The following PPM1B variants were observed in gnomAD, a reference collection of about 807,000 sequenced individuals.
PPM1B encodes protein phosphatase, Mg2+/Mn2+ dependent 1B, also known as protein phosphatase 1B.
A neutral mutation model predicts 43.0 loss-of-function variants in PPM1B; 22 were observed. That is an observed-to-expected ratio of 0.51 (90% confidence interval 0.37 to 0.73). The LOEUF (loss-of-function observed/expected upper bound fraction) is 0.73. Ranked by LOEUF, PPM1B falls within the 30% of genes least tolerant of loss-of-function variation. PPM1B has a pLI of 0.00. For synonymous variants in PPM1B, 217 were observed against 197.9 expected (o/e 1.10, Z -0.81); for missense variants, 632 against 584.2 (o/e 1.08, Z -0.84).
chr2:44,230,369 C>T (rs1293651069), intron 5 of PPM1B, 44 bp from the exon 6 acceptor site: 1 of 1,594,842 alleles, frequency 6.3e-7, no homozygotes, highest in Non-Finnish European at 8.5e-7. Flanking sequence ...CATGTGATAT[C>T]CTAGTTTGTC....
chr2:44,207,968 A>G (rs903764377), intron 2 of PPM1B, among the ~76,000 whole-genome samples: 1 of 147,806 alleles, frequency 6.8e-6, no homozygotes, highest in Non-Finnish European at 1.5e-5. Context: ...AGCTCACTGC[A>G]ACCTCCACCT....
chr2:44,218,583 A>G (rs951272083), intron 5 of PPM1B, 46 bp downstream of exon 5: 2 of 1,293,644 alleles, frequency 1.5e-6, no homozygotes, highest in Non-Finnish European at 2.2e-6. Flanking sequence ...ATTTCACAAT[A>G]TAAATACTAA....
At chr2:44,188,061 A>G (rs2104053138) in intron 1 of PPM1B, among the ~76,000 whole-genome samples, 1 of 152,198 alleles carries the variant, frequency 6.6e-6, no homozygotes, top group South Asian at 2.1e-4. Context: ...TCACCTTTAA[A>G]TTTTTTAATT....
chr2:44,218,785 GTCTT>G (rs1669842944), intron 5 of PPM1B: 1 of 453,114 alleles, frequency 2.2e-6, no homozygotes, highest in South Asian at 2.0e-5. Flanking sequence ...TGTTTGGGCT[GTCTT>G]TATTTCTTCT....
chr2:44,198,791 G>A (rs1668783097), intron 1 of PPM1B, among the ~76,000 whole-genome samples: 1 of 152,120 alleles, frequency 6.6e-6, no homozygotes, highest in Admixed American at 6.6e-5. Context: ...TCTTAAGACT[G>A]TTGAAGATTC....
At chr2:44,217,412 A>C (rs1163923858) in intron 3 of PPM1B, among the ~76,000 whole-genome samples, 1 of 152,126 alleles carries the variant, frequency 6.6e-6, no homozygotes, top group Non-Finnish European at 1.5e-5. Context: ...AAAAAAAAAA[A>C]AAGCTGTAGA....
chr2:44,173,240 A>C (rs1667434048), intron 1 of PPM1B, among the ~76,000 whole-genome samples: 1 of 152,218 alleles, frequency 6.6e-6, no homozygotes, highest in African/African-American at 2.4e-5. Context: ...CCCTTTACTA[A>C]ATTCTTGATG....
intron 1 of PPM1B, among the ~76,000 whole-genome samples, chr2:44,183,990 G>A (rs756256916): frequency 3.0e-4 from 46 of 152,188 alleles, no homozygotes; most frequent in South Asian, 6.2e-4. Context: ...CGCCCGCCTC[G>A]GCCTCCCAAA....
In PPM1B at chr2:44,228,988, G is replaced by A. The variant is rs1473198763; in HGVS notation, c.1135-1425G>A. ...ACCTGAGGTTGGGAGTTCGAGACCA[G>A]CCTGACCAACATGGAGAAACCCTGT... is the stretch of plus-strand genomic sequence containing the variant. On this transcript the variant is annotated intron_variant, in intron 5 of 5. Coordinates refer to ENST00000282412, the MANE Select transcript of PPM1B (RefSeq NM_002706.6). 2.6e-5 allele frequency among the ~76,000 whole-genome samples: 4 copies of A among 152,018 alleles called. No homozygotes were observed. In the East Asian group the frequency reaches 7.7e-4, roughly 29 times the overall value.
chr2:44,206,762 G>T (rs1669211035), intron 2 of PPM1B, among the ~76,000 whole-genome samples: 1 of 152,054 alleles, frequency 6.6e-6, no homozygotes, highest in Admixed American at 6.6e-5. Flanking sequence ...GTGTCTCACT[G>T]TGTTGCCCGG....
At position 44,216,388 on chromosome 2, in the gene PPM1B, C is replaced by T. The variant is rs144682975; in HGVS notation, c.965-1579C>T. On this transcript the variant is annotated intron_variant, in intron 3 of 5. Coordinates refer to ENST00000282412, the MANE Select transcript of PPM1B (RefSeq NM_002706.6). Reference sequence around the variant, plus strand: ...AAAAAAATTGTCTGGTGTAAAATGTCGGTGTTGTTGATGTTGAGAAGCCTT... The same window carrying T: ...AAAAAAATTGTCTGGTGTAAAATGTTGGTGTTGTTGATGTTGAGAAGCCTT... Among the ~76,000 whole-genome samples the T allele has an allele frequency of 2.4e-3, 358 of 152,094 alleles. 4 individuals carry two copies. Among genetic ancestry groups the T allele is most frequent in the African/African-American group, 8.2e-3 (339 of 41,498 alleles).
chr2:44,211,965 TC>T (rs1360436409), intron 3 of PPM1B, among the ~76,000 whole-genome samples: 4 of 152,158 alleles, frequency 2.6e-5, no homozygotes, highest in African/African-American at 9.7e-5. Flanking sequence ...GTCAGGCTGA[TC>T]TCGAACTTTC....
At position 44,218,044 on chromosome 2, in the gene PPM1B, C is replaced by G; in HGVS notation, c.1042C>G (p.Pro348Ala). ...VMRILSAENIPNLPPGGGLAG... is the reference protein window; with the variant it reads ...VMRILSAENIANLPPGGGLAG... ...GCGCATCTTGTCTGCAGAAAATATC[C>G]CAAATTTGCCTCCTGGGGGAGGTCT... Residue 348 changes from proline (P) to alanine (A), a missense_variant, in exon 4 of 6, where the codon CCA (proline) becomes GCA (alanine). Transcript: ENST00000282412. The G allele has an allele frequency of 6.2e-7, 1 of 1,612,452 alleles. No individual in the cohort carries two copies. Among genetic ancestry groups the G allele is most frequent in the Middle Eastern group, 1.7e-4 (1 of 6,050 alleles).
chr2:44,178,224 C>T (rs1353116861), intron 1 of PPM1B, among the ~76,000 whole-genome samples: 1 of 151,756 alleles, frequency 6.6e-6, no homozygotes, highest in Non-Finnish European at 1.5e-5. Context: ...GCAGCTAGAA[C>T]ACATTTTGTC....
downstream of PPM1B, chr2:44,234,730 C>A (rs1363286387): frequency 6.9e-6 from 3 of 432,738 alleles, no homozygotes; most frequent in African/African-American, 2.1e-5. Context: ...TGAACTTTTG[C>A]TTTTGTGGAT....
chr2:44,243,355 GTTAAA>G (rs1443002317), intron 5 of PPM1B, among the ~76,000 whole-genome samples: 1 of 152,060 alleles, frequency 6.6e-6, no homozygotes, highest in African/African-American at 2.4e-5. Flanking sequence ...GAGCTTTTGT[GTTAAA>G]TTTGATATGT....
At chr2:44,212,252 T>C (rs1301093263) in intron 3 of PPM1B, among the ~76,000 whole-genome samples, 7 of 152,208 alleles carry the variant, frequency 4.6e-5, no homozygotes, top group Admixed American at 3.9e-4. Flanking sequence ...GGATTTATTA[T>C]AGTTTTCTCC....
At chr2:44,216,861 G>A (rs1316157756) in intron 3 of PPM1B, among the ~76,000 whole-genome samples, 3 of 148,648 alleles carry the variant, frequency 2.0e-5, no homozygotes, top group Non-Finnish European at 4.4e-5. Flanking sequence ...GGAGTCAGAG[G>A]TTGCAGTGAG....
In PPM1B at chr2:44,202,031, A is replaced by G. The variant is rs1455413071; in HGVS notation, c.832A>G (p.Thr278Ala). The G allele has an allele frequency of 1.3e-6, 2 of 1,567,408 alleles. No homozygotes were observed. Among genetic ancestry groups the G allele is most frequent in the African/African-American group, 1.4e-5 (1 of 73,034 alleles). ...LENVCNWVVD[T>A]CLHKGSRDNM... ...AAATGTGTGCAATTGGGTAGTGGAC[A>G]CTTGTTTACACAAGGTATGTAAACT... Residue 278 changes from threonine (T) to alanine (A), a missense_variant, in exon 2 of 6, where the codon ACT becomes GCT. Coordinates refer to ENST00000282412, the MANE Select transcript of PPM1B (RefSeq NM_002706.6).
Sources: gnomAD v4.1 joint callset for allele counts (sites outside exome capture counted in the v4.1 genomes callset) on GRCh38, gnomAD v4.1.1 for gene constraint, MANE v1.5 for transcripts, NCBI Gene and HGNC (gene_info 2026-07-23, HGNC 2026-07-21) for gene names.